The following NALCN variants were observed in gnomAD, a reference collection of about 807,000 sequenced individuals.
NALCN encodes the protein sodium leak channel NALCN.
NALCN carries 111 observed loss-of-function variants against 225.3 expected under a neutral mutation model. The observed-to-expected ratio is 0.49, with a 90% CI of 0.42 to 0.58. NALCN has a LOEUF of 0.58. NALCN is among the 20% of genes least tolerant of loss of function. The pLI is 0.00. For synonymous variants in NALCN, 764 were observed against 769.0 expected (o/e 0.99, Z 0.11); for missense variants, 1,378 against 2,202.4 (o/e 0.63, Z 7.49).
At chr13:101,180,791 C>T in intron 14 of NALCN, 1 of 319,768 alleles carries the variant, frequency 3.1e-6, no homozygotes, top group African/African-American at 2.1e-5. Context: ...ACCAACACTG[C>T]CGATGCTCCC....
chr13:101,365,968 A>G (rs529034818), intron 6 of NALCN, among the ~76,000 whole-genome samples: 1 of 152,172 alleles, frequency 6.6e-6, no homozygotes, highest in African/African-American at 2.4e-5. Context: ...CGAGCTATGA[A>G]TATGTTTCCC....
chr13:101,099,055 A>G (rs780470221), intron 27 of NALCN, among the ~76,000 whole-genome samples: 4 of 138,442 alleles, frequency 2.9e-5, no homozygotes, highest in Non-Finnish European at 4.4e-5. Flanking sequence ...TAAAATCACC[A>G]TGCTCTTAGG....
intron 17 of NALCN, among the ~76,000 whole-genome samples, chr13:101,136,916 C>T (rs551822573): frequency 6.6e-6 from 1 of 152,310 alleles, no homozygotes; most frequent in South Asian, 2.1e-4. Context: ...TACGGTCCCA[C>T]CAACAGTGTA....
chr13:101,175,811 G>A (rs745843372), intron 15 of NALCN, among the ~76,000 whole-genome samples: 20 of 152,194 alleles, frequency 1.3e-4, no homozygotes, highest in Middle Eastern at 3.4e-3. Flanking sequence ...ATGACATCCC[G>A]TCTGTTTTCA....
In NALCN at chr13:101,061,315, A is replaced by T. The variant is rs575483960; in HGVS notation, c.4755+653T>A. 4.6e-4 allele frequency among the ~76,000 whole-genome samples: 70 copies of T among 152,196 alleles called. 1 individual carries two copies. Among genetic ancestry groups the T allele is most frequent in the Admixed American group, 1.4e-3 (21 of 15,282 alleles). Reference sequence around the variant, plus strand: ...AATTTAAAGTAGTTTTGCAAATTCAATATGTGGAAAATTCTAGAATTTTGA... The same window carrying T: ...AATTTAAAGTAGTTTTGCAAATTCATTATGTGGAAAATTCTAGAATTTTGA... On this transcript the variant is annotated intron_variant, in intron 41 of 43. Transcript: ENST00000251127.
intron 7 of NALCN, among the ~76,000 whole-genome samples, chr13:101,323,787 A>T (rs1325981277): frequency 1.3e-5 from 2 of 152,174 alleles, no homozygotes; most frequent in Non-Finnish European, 2.9e-5. Flanking sequence ...ACATGTACTA[A>T]CATGTAAGTT....
At chr13:101,396,142 A>T (rs966013388) in intron 2 of NALCN, among the ~76,000 whole-genome samples, 2 of 152,108 alleles carry the variant, frequency 1.3e-5, no homozygotes, top group Non-Finnish European at 2.9e-5. Context: ...CTGTCTGAAG[A>T]TTTTCTTTAA....
chr13:101,334,191 C>A (rs1309644063), intron 7 of NALCN, among the ~76,000 whole-genome samples: 1 of 152,060 alleles, frequency 6.6e-6, no homozygotes, highest in Non-Finnish European at 1.5e-5. Context: ...TGTGCACACA[C>A]ACACACACAC....
At chr13:101,257,360 G>A (rs941103772) in intron 11 of NALCN, among the ~76,000 whole-genome samples, 15 of 152,180 alleles carry the variant, frequency 9.9e-5, no homozygotes, top group Admixed American at 7.8e-4. Flanking sequence ...GGAGAATTCA[G>A]AAGCGACTAC....
intron 18 of NALCN, chr13:101,116,883 G>T (rs759918748): frequency 1.0e-5 from 5 of 483,682 alleles, no homozygotes; most frequent in Admixed American, 2.2e-5. Flanking sequence ...ATAACTAAGA[G>T]AATAGATAAT....
At chr13:101,255,984 G>A (rs1029535340) in intron 11 of NALCN, among the ~76,000 whole-genome samples, 10 of 152,136 alleles carry the variant, frequency 6.6e-5, no homozygotes, top group South Asian at 2.1e-4. Context: ...CTCATTCCCC[G>A]TGACTTTGCT....
In NALCN at chr13:101,143,177, G is replaced by A. The variant is rs1339640461; in HGVS notation, c.2021C>T (p.Thr674Ile). The A allele has an allele frequency of 1.2e-6, 2 of 1,613,592 alleles. No homozygotes were observed. Among genetic ancestry groups the A allele is most frequent in the Non-Finnish European group, 1.7e-6 (2 of 1,179,882 alleles). The change falls in exon 17 of 44, where the codon ACA becomes ATA. Residue 674 changes from threonine to isoleucine, a missense_variant. By Grantham distance (89) the Thr-to-Ile change is moderately conservative. Coordinates refer to ENST00000251127, the MANE Select transcript of NALCN (RefSeq NM_052867.4). Reference protein sequence around the residue: ...KQFIDRQQQDTCCLLRSLPTT... With the variant: ...KQFIDRQQQDICCLLRSLPTT... ...CGGGAGGCTTCTCAGGAGGCAACAT[G>A]TGTCCTGTTGCTGGCGGTCAATAAA... is the stretch of plus-strand genomic sequence containing the variant.
At chr13:101,123,959 T>A (rs1354530275) in intron 18 of NALCN, among the ~76,000 whole-genome samples, 5 of 152,214 alleles carry the variant, frequency 3.3e-5, no homozygotes, top group Admixed American at 6.5e-5. Context: ...CAGCTCCCAA[T>A]CTTGAGTTGT....
intron 14 of NALCN, among the ~76,000 whole-genome samples, chr13:101,182,605 A>AG (rs973415336): frequency 2.0e-5 from 3 of 152,194 alleles, no homozygotes; most frequent in South Asian, 2.1e-4. Context: ...TGTGTGTGGT[A>AG]GGGGGCTTGG....
At chr13:101,139,992 C>T (rs576017965) in intron 17 of NALCN, among the ~76,000 whole-genome samples, 1 of 152,144 alleles carries the variant, frequency 6.6e-6, no homozygotes, top group South Asian at 2.1e-4. Context: ...TGAGGAACAC[C>T]AAGAACTGGT....
At chr13:101,313,001 A>G (rs930606524) in intron 7 of NALCN, among the ~76,000 whole-genome samples, 3 of 152,190 alleles carry the variant, frequency 2.0e-5, no homozygotes, top group Non-Finnish European at 4.4e-5. Context: ...TCAATGGAAC[A>G]GAACAGAGCC....
At chr13:101,264,823 C>T (rs2042546619) in intron 10 of NALCN, among the ~76,000 whole-genome samples, 1 of 152,198 alleles carries the variant, frequency 6.6e-6, no homozygotes, top group Admixed American at 6.5e-5. Context: ...CATACCCCAA[C>T]TCCATGGTCA....
At position 101,146,421 on chromosome 13, in the gene NALCN, C is replaced by T. The variant is rs150082290; in HGVS notation, c.1840-1525G>A. 6.6e-3 allele frequency among the ~76,000 whole-genome samples: 1,012 copies of T among 152,238 alleles called. 8 individuals are homozygous for T. The highest frequency in any genetic ancestry group is 0.012 in the Non-Finnish European group (811 of 68,024). On this transcript the variant is annotated intron_variant, in intron 15 of 43. Coordinates refer to ENST00000251127, the MANE Select transcript of NALCN (RefSeq NM_052867.4). ...GATGATGACAATGGTAAGGAATTAG[C>T]TCCCAAAGACACAAAACAAAAAGTA...
rs189403888 is a variant in NALCN, at chr13:101,130,588, C to T, written c.2119-5907G>A. Among the ~76,000 whole-genome samples the T allele has an allele frequency of 5.3e-3, 801 of 152,200 alleles. 1 individual carries two copies. Among genetic ancestry groups the T allele is most frequent in the Middle Eastern group, 0.01 (3 of 294 alleles). On this transcript the variant is annotated intron_variant, in intron 17 of 43. Coordinates refer to ENST00000251127, the MANE Select transcript of NALCN (RefSeq NM_052867.4). The stretch of plus-strand genomic sequence containing the variant: ...TAGATCTTGAAAGCAGTTTCTCTGA[C>T]CTTGAAAGTTGAAAGTCAGTTTTCA...
Sources: gnomAD v4.1 joint callset for allele counts (sites outside exome capture counted in the v4.1 genomes callset) on GRCh38, gnomAD v4.1.1 for gene constraint, MANE v1.5 for transcripts, NCBI Gene and HGNC (gene_info 2026-07-23, HGNC 2026-07-21) for gene names.